Variants in PBX4 observed in about 807,000 individuals in gnomAD.
PBX4 encodes PBX homeobox 4.
In PBX4, 26 loss-of-function variants were observed where a neutral mutation model predicts 35.1. That is an observed-to-expected ratio of 0.74 (90% CI 0.54 to 1.03). PBX4 has a LOEUF of 1.03. Among genes scored for constraint, PBX4 ranks in the 50% least tolerant of loss-of-function variants. PBX4 has a pLI of 0.00. For synonymous variants in PBX4, 199 were observed against 204.2 expected (o/e 0.97, Z 0.22); for missense variants, 448 against 504.3 (o/e 0.89, Z 1.07).
chr19:19,616,344 T>C (rs534361068), intron 1 of PBX4, among the ~76,000 whole-genome samples: 2 of 152,284 alleles, frequency 1.3e-5, no homozygotes, highest in East Asian at 3.9e-4. Context: ...TATTTTTTTA[T>C]GGAGACAGAG....
chr19:19,617,096 C>G (rs541704569), intron 1 of PBX4, among the ~76,000 whole-genome samples: 5 of 152,314 alleles, frequency 3.3e-5, no homozygotes, highest in African/African-American at 1.2e-4. Context: ...AGGTGCTGTC[C>G]TCTCCAAAGA....
At chr19:19,602,710 T>C (rs539510059) in intron 1 of PBX4, among the ~76,000 whole-genome samples, 47 of 152,044 alleles carry the variant, frequency 3.1e-4, no homozygotes, top group African/African-American at 1.1e-3. Context: ...ATTGGGATTA[T>C]AGGCATGAGC....
intron 5 of PBX4, among the ~76,000 whole-genome samples, chr19:19,566,842 C>T (rs570123534): frequency 6.6e-5 from 10 of 151,852 alleles, no homozygotes; most frequent in East Asian, 3.9e-4. Flanking sequence ...TCCCCAGTAG[C>T]GGGATTGCAG....
chr19:19,590,709 T>TC (rs1296454389), intron 2 of PBX4, among the ~76,000 whole-genome samples: 2 of 152,018 alleles, frequency 1.3e-5, no homozygotes, highest in Non-Finnish European at 1.5e-5. Flanking sequence ...CCTCAAATGA[T>TC]CCCCCCACCT....
intron 5 of PBX4, 134 bp downstream of exon 5, chr19:19,569,315 C>T: frequency 1.6e-6 from 2 of 1,221,896 alleles, no homozygotes; most frequent in South Asian, 1.8e-5. Flanking sequence ...CTACCTCATC[C>T]TCCCAAAGTG....
chr19:19,588,547 C>G (rs2144749509), intron 2 of PBX4: 3 of 467,790 alleles, frequency 6.4e-6, no homozygotes, highest in Non-Finnish European at 1.2e-5. Flanking sequence ...AAAGTGCTGG[C>G]ATTACAGGTG....
Position 19,562,631 on chromosome 19 carries a change from GT to G in PBX4, c.1033-515del, listed in dbSNP as rs1177168391. On this transcript the variant is annotated intron_variant, in intron 7 of 7. Coordinates refer to ENST00000251203, the MANE Select transcript of PBX4 (RefSeq NM_025245.3). This position sits in a 1 kb window ranked among gnomAD's most constrained non-coding sequence, Gnocchi z 4.8. ...CACGTCCAACGGCGCTAAGACGTTTGTCCACAGGACCCACCCCCACTATGGT... is the reference window on the plus strand; with the variant it reads ...CACGTCCAACGGCGCTAAGACGTTTGCCACAGGACCCACCCCCACTATGGT... Among the ~76,000 whole-genome samples, 1 of 152,198 alleles carries G rather than the reference GT, an allele frequency of 6.6e-6. No homozygotes were observed. Among genetic ancestry groups the G allele is most frequent in the African/African-American group, 2.4e-5 (1 of 41,452 alleles).
rs901901730 is a variant in PBX4, at chr19:19,577,739, G to A, written c.194-6906C>T. 6.0e-4 allele frequency among the ~76,000 whole-genome samples: 91 copies of A among 151,898 alleles called. 2 individuals carry two copies. Among genetic ancestry groups the A allele is most frequent in the Admixed American group, 6.6e-4 (10 of 15,234 alleles). On this transcript the variant is annotated intron_variant, in intron 2 of 7. Transcript: ENST00000251203. ...CCAAGCGTGGTGGCGCGTGCCTGTA[G>A]TCCCCACTACTTGGGAGGCTGAGGC...
chr19:19,583,957 T>A (rs1239464707), intron 2 of PBX4, among the ~76,000 whole-genome samples: 1 of 152,132 alleles, frequency 6.6e-6, no homozygotes, highest in Non-Finnish European at 1.5e-5. Context: ...TAATCCCAGC[T>A]ACTCGGGAGG....
At chr19:19,582,750 A>G (rs1021597545) in intron 2 of PBX4, among the ~76,000 whole-genome samples, 3 of 152,196 alleles carry the variant, frequency 2.0e-5, no homozygotes, top group Admixed American at 2.0e-4. Flanking sequence ...TCTTTCAGCT[A>G]AGCTGAAAGA....
At position 19,616,500 on chromosome 19, in the gene PBX4, A is replaced by G. The variant is rs185597739; in HGVS notation, c.119+2011T>C. On this transcript the variant is annotated intron_variant, in intron 1 of 7. Transcript: ENST00000251203. ...CCCAGCTAATTTTCGTATTTTTAGT[A>G]GAGATGGGGTTTTGCCATGTTGGCC... Among the ~76,000 whole-genome samples the G allele has an allele frequency of 2.3e-4, 35 of 151,796 alleles. No individual in the cohort carries two copies. In the East Asian group the frequency reaches 6.4e-3, roughly 28 times the overall value.
intron 5 of PBX4, 74 bp from the exon 6 acceptor site, chr19:19,565,163 T>C (rs992824628): frequency 5.7e-6 from 9 of 1,579,996 alleles, no homozygotes; most frequent in Non-Finnish European, 7.8e-6. Context: ...GTGGGTTCCC[T>C]GGGGTGCCCG....
intron 2 of PBX4, among the ~76,000 whole-genome samples, chr19:19,598,828 T>G (rs1409419998): frequency 6.6e-6 from 1 of 151,406 alleles, no homozygotes; most frequent in South Asian, 2.1e-4. Flanking sequence ...ACAGAAGGGA[T>G]GAGCAAAACG....
At chr19:19,589,105 T>A (rs1568389137) in intron 2 of PBX4, among the ~76,000 whole-genome samples, 1 of 151,990 alleles carries the variant, frequency 6.6e-6, no homozygotes, top group Non-Finnish European at 1.5e-5. Flanking sequence ...CCAACCCGCA[T>A]GACAGAGCGA....
At chr19:19,572,136 A>G (rs1322384983) in intron 2 of PBX4, among the ~76,000 whole-genome samples, 1 of 116,036 alleles carries the variant, frequency 8.6e-6, no homozygotes, top group Non-Finnish European at 1.6e-5. Context: ...GTGCAATGGC[A>G]TGGTCTCCAC....
chr19:19,570,519 C>T lies in PBX4; in HGVS notation c.441+67G>A, dbSNP rs1049339947. On this transcript the variant is annotated intron_variant, in intron 3 of 7. Transcript: ENST00000251203. ...TGCGCCACGAAAGAAAGGTGGTTAG[C>T]GTTCCGTGTTTCGCTTTGACAAATG... The T allele has an allele frequency of 1.5e-5, 24 of 1,581,940 alleles. No homozygotes were observed. In the South Asian group the frequency reaches 1.6e-4, roughly 11 times the overall value.
Position 19,605,500 on chromosome 19 carries a change from C to T in PBX4, c.120-6135G>A, listed in dbSNP as rs547396749. The stretch of plus-strand genomic sequence containing the variant: ...AATTATCTGGGTTTGGTGGCACATG[C>T]CTGTAGTCCCAGCTACTAGGGAGGC... On this transcript the variant is annotated intron_variant, in intron 1 of 7. Transcript: ENST00000251203. 1.5e-4 allele frequency among the ~76,000 whole-genome samples: 22 copies of T among 151,236 alleles called. No homozygotes were observed. In the East Asian group the frequency reaches 4.3e-3, roughly 29 times the overall value.
intron 1 of PBX4, among the ~76,000 whole-genome samples, chr19:19,613,294 C>G (rs988299096): frequency 6.6e-6 from 1 of 150,656 alleles, no homozygotes; most frequent in African/African-American, 2.4e-5. Context: ...GGCAAAACCC[C>G]GTCTCTACTA....
intron 2 of PBX4, among the ~76,000 whole-genome samples, chr19:19,577,209 A>AC (rs1443142921): frequency 6.6e-6 from 1 of 152,112 alleles, no homozygotes; most frequent in Admixed American, 6.6e-5. Context: ...AAAAAAAAAA[A>AC]AAACTCTCAA....
Sources: allele counts gnomAD v4.1 joint callset (sites outside exome capture counted in the v4.1 genomes callset), GRCh38; gene constraint gnomAD v4.1.1; non-coding constraint Gnocchi (gnomAD v3.1); transcripts MANE v1.5; gene names NCBI Gene and HGNC (gene_info 2026-07-23, HGNC 2026-07-21).